The following ABCC4 variants were observed in gnomAD, a reference collection of about 807,000 sequenced individuals.
The protein encoded by ABCC4 is ATP-binding cassette sub-family C member 4.
ABCC4 carries 102 observed loss-of-function variants against 168.5 expected under a neutral mutation model. That is an observed-to-expected ratio of 0.61 (90% CI 0.52 to 0.71). The LOEUF is 0.71. Ranked by LOEUF, ABCC4 falls within the 30% of genes least tolerant of loss-of-function variation. The pLI is 0.00. For missense variants in ABCC4, 1,402 were observed against 1,605.8 expected, an observed-to-expected ratio of 0.87 and a Z score of 2.17; for synonymous variants, 617 against 590.7, an observed-to-expected ratio of 1.04 and a Z score of -0.65.
At chr13:95,295,203 G>A (rs1443779598) in intron 1 of ABCC4, among the ~76,000 whole-genome samples, 1 of 152,098 alleles carries the variant, frequency 6.6e-6, no homozygotes, top group African/African-American at 2.4e-5. Flanking sequence ...CCAAGAGACT[G>A]TGATTCTGCA....
chr13:95,085,516 A>G (rs1471252491), intron 20 of ABCC4, among the ~76,000 whole-genome samples: 1 of 152,200 alleles, frequency 6.6e-6, no homozygotes, highest in Non-Finnish European at 1.5e-5. Flanking sequence ...TTTCTAAGGA[A>G]GACTTACAAC....
At chr13:95,098,134 TAA>T (rs66704412) in intron 20 of ABCC4, among the ~76,000 whole-genome samples, 3 of 114,108 alleles carry the variant, frequency 2.6e-5, no homozygotes, top group Admixed American at 9.6e-5. Flanking sequence ...AGATACTGTC[TAA>T]AAAAAAAAAA....
intron 27 of ABCC4, among the ~76,000 whole-genome samples, chr13:95,046,451 C>T (rs1163532947): frequency 5.3e-5 from 8 of 152,042 alleles, no homozygotes; most frequent in African/African-American, 1.2e-4. Context: ...ATGATTGAAT[C>T]GGGGATGGTT....
chr13:95,126,803 T>C (rs2035793190), intron 19 of ABCC4, among the ~76,000 whole-genome samples: 1 of 137,514 alleles, frequency 7.3e-6, no homozygotes, highest in Non-Finnish European at 1.5e-5. Context: ...TATTTATATA[T>C]ATTTAAGTAC....
intron 19 of ABCC4, among the ~76,000 whole-genome samples, chr13:95,122,369 AC>A (rs2035600109): frequency 6.6e-6 from 1 of 152,106 alleles, no homozygotes; most frequent in East Asian, 1.9e-4. Context: ...AACTTCTCAA[AC>A]CCTACCTTAG....
At chr13:95,045,492 C>T (rs569465078) in intron 27 of ABCC4, among the ~76,000 whole-genome samples, 20 of 152,238 alleles carry the variant, frequency 1.3e-4, no homozygotes, top group African/African-American at 4.8e-4. Context: ...ACATTTTCTA[C>T]AGTCTAATAA....
At chr13:95,286,061 C>G (rs2041248212) in intron 1 of ABCC4, among the ~76,000 whole-genome samples, 1 of 149,638 alleles carries the variant, frequency 6.7e-6, no homozygotes, top group Non-Finnish European at 1.5e-5. Flanking sequence ...AGTCAGCCAG[C>G]AAAGGCTGAC....
At chr13:95,108,706 A>G (rs1388046595) in intron 20 of ABCC4, among the ~76,000 whole-genome samples, 1 of 149,874 alleles carries the variant, frequency 6.7e-6, no homozygotes, top group African/African-American at 2.5e-5. Flanking sequence ...CAGTGGTGCA[A>G]TTTTGGCTCA....
intron 25 of ABCC4, among the ~76,000 whole-genome samples, chr13:95,067,771 G>A (rs910247421): frequency 6.6e-6 from 1 of 152,070 alleles, no homozygotes; most frequent in Non-Finnish European, 1.5e-5. Context: ...GTACACATCT[G>A]TAAAAAGGTA....
At position 95,296,748 on chromosome 13, in the gene ABCC4, G is replaced by A. The variant is rs187465825; in HGVS notation, c.74+4493C>T. On this transcript the variant is annotated intron_variant, in intron 1 of 30. Transcript: ENST00000645237. ...CAAAGTGCCTGCCGGGCACCAGGGG[G>A]CAGCAGGACAATTCCTAGGAGAGTC... is the stretch of plus-strand genomic sequence containing the variant. Among the ~76,000 whole-genome samples the A allele has an allele frequency of 9.2e-5, 14 of 152,282 alleles. 1 individual carries two copies. Among genetic ancestry groups the A allele is most frequent in the Admixed American group, 8.5e-4 (13 of 15,282 alleles).
chr13:95,113,986 C>A (rs1369115351), intron 20 of ABCC4, among the ~76,000 whole-genome samples: 1 of 152,148 alleles, frequency 6.6e-6, no homozygotes, highest in Non-Finnish European at 1.5e-5. Flanking sequence ...AAGACACCTG[C>A]AAACAAAACA....
intron 26 of ABCC4, among the ~76,000 whole-genome samples, chr13:95,061,588 ATGTGTT>A (rs1555306426): frequency 9.2e-6 from 1 of 108,712 alleles, no homozygotes; most frequent in African/African-American, 3.6e-5. Context: ...TCTCCAGAAT[ATGTGTT>A]TGTGTGTGTG....
chr13:95,267,233 G>C (rs1000474324), intron 1 of ABCC4, among the ~76,000 whole-genome samples: 2 of 152,078 alleles, frequency 1.3e-5, no homozygotes, highest in African/African-American at 4.8e-5. Context: ...TGTTGTGAGA[G>C]GGCCTCGGTG....
chr13:95,208,335 C>A (rs370735841), intron 6 of ABCC4, among the ~76,000 whole-genome samples: 175 of 75,702 alleles, frequency 2.3e-3, no homozygotes, highest in Middle Eastern at 6.8e-3. Context: ...AAGAGGAGAG[C>A]AAAAAAAAAA....
chr13:95,176,244 G>GGGT, intron 13 of ABCC4, among the ~76,000 whole-genome samples: 1 of 44,958 alleles, frequency 2.2e-5, no homozygotes, highest in African/African-American at 8.4e-5. Flanking sequence ...GGGGGGGGGG[G>GGGT]GTGGATCCCT....
chr13:95,163,997 C>T (rs55709022), intron 16 of ABCC4, among the ~76,000 whole-genome samples: 7,558 of 146,326 alleles, frequency 0.052, 267 homozygotes, highest in Middle Eastern at 0.13. Context: ...GCCAAGATCG[C>T]GCCACTGCAC....
chr13:95,209,315 C>T (rs1166525849), intron 6 of ABCC4, 119 bp downstream of exon 6: 7 of 1,205,302 alleles, frequency 5.8e-6, no homozygotes, highest in African/African-American at 1.5e-5. Context: ...TGAAGAGCTG[C>T]AACATATGCA....
intron 27 of ABCC4, among the ~76,000 whole-genome samples, chr13:95,049,044 A>C (rs1333016082): frequency 2.0e-5 from 3 of 152,180 alleles, no homozygotes; most frequent in Admixed American, 1.3e-4. Flanking sequence ...AAGAAACCCC[A>C]AAAAACGAGC....
chr13:95,235,027 A>G (rs999571414), intron 3 of ABCC4, among the ~76,000 whole-genome samples, 193 bp from the exon 4 acceptor site: 2 of 151,978 alleles, frequency 1.3e-5, no homozygotes, highest in African/African-American at 4.8e-5. Flanking sequence ...AGTAGCTGGG[A>G]CTACAAGTGC....
Sources: allele counts gnomAD v4.1 joint callset (sites outside exome capture counted in the v4.1 genomes callset), GRCh38; gene constraint gnomAD v4.1.1; transcripts MANE v1.5; gene names NCBI Gene and HGNC (gene_info 2026-07-23, HGNC 2026-07-21).